Variants in CERS6 observed in about 807,000 individuals in gnomAD.
CERS6 encodes the protein ceramide synthase 6, also known as LAG1 homolog, ceramide synthase 6.
In CERS6, 26 loss-of-function variants were observed where a neutral mutation model predicts 56.8. That is an observed-to-expected ratio of 0.46 (90% CI 0.34 to 0.63). CERS6 has a LOEUF of 0.63. CERS6 is among the 30% of genes least tolerant of loss of function. The pLI is 0.01. For synonymous variants in CERS6, 164 were observed against 173.3 expected (o/e 0.95, Z 0.42); for missense variants, 415 against 467.5 (o/e 0.89, Z 1.04).
chr2:168,533,046 C>T (rs1415642497), intron 1 of CERS6, among the ~76,000 whole-genome samples: 1 of 152,072 alleles, frequency 6.6e-6, no homozygotes, highest in Non-Finnish European at 1.5e-5. Flanking sequence ...TTGTCTTAAC[C>T]CTAAAAGGTT....
chr2:168,632,352 A>G (rs966137923), intron 4 of CERS6, among the ~76,000 whole-genome samples: 3 of 152,204 alleles, frequency 2.0e-5, no homozygotes, highest in African/African-American at 2.4e-5. Context: ...AATTTTAAAT[A>G]CATTTAAGAT....
At chr2:168,508,008 C>A (rs1694712113) in intron 1 of CERS6, among the ~76,000 whole-genome samples, 1 of 152,122 alleles carries the variant, frequency 6.6e-6, no homozygotes, top group Non-Finnish European at 1.5e-5. Context: ...AGACAGTTAC[C>A]TATTTAAAGT....
chr2:168,760,480 A>ACCCTCACAG (rs1684542411), intron 8 of CERS6, among the ~76,000 whole-genome samples: 1 of 152,076 alleles, frequency 6.6e-6, no homozygotes, highest in South Asian at 2.1e-4. Flanking sequence ...CTTTGGCAAT[A>ACCCTCACAG]CCCTCACAGA....
intron 1 of CERS6, among the ~76,000 whole-genome samples, chr2:168,513,549 C>T (rs781433947): frequency 3.8e-4 from 58 of 152,120 alleles, no homozygotes; most frequent in Non-Finnish European, 7.1e-4. Flanking sequence ...CATGACTGGA[C>T]TCAGATCATG....
intron 3 of CERS6, among the ~76,000 whole-genome samples, chr2:168,563,019 C>G (rs568341454): frequency 3.3e-5 from 5 of 152,194 alleles, no homozygotes; most frequent in Non-Finnish European, 7.3e-5. Flanking sequence ...CTCTGACTAA[C>G]TTCTTTGGTG....
chr2:168,499,710 C>A (rs952675047), intron 1 of CERS6, among the ~76,000 whole-genome samples: 11 of 152,142 alleles, frequency 7.2e-5, no homozygotes, highest in Admixed American at 3.3e-4. Flanking sequence ...AGTTAAATTT[C>A]TTGGCTCAAT....
chr2:168,539,368 C>T (rs1038467556), intron 1 of CERS6, among the ~76,000 whole-genome samples: 1 of 152,164 alleles, frequency 6.6e-6, no homozygotes, highest in East Asian at 1.9e-4. Context: ...TCATTAACTT[C>T]TTTGAGCTTT....
At chr2:168,675,813 A>G (rs1686044389) in intron 4 of CERS6, among the ~76,000 whole-genome samples, 1 of 151,720 alleles carries the variant, frequency 6.6e-6, no homozygotes, top group Non-Finnish European at 1.5e-5. Flanking sequence ...CAGCCTCCCA[A>G]GTAGTAGGGA....
At chr2:168,491,789 A>G (rs929433928) in intron 1 of CERS6, among the ~76,000 whole-genome samples, 4 of 150,860 alleles carry the variant, frequency 2.7e-5, no homozygotes, top group Non-Finnish European at 5.9e-5. Flanking sequence ...TCACCCCCCA[A>G]CAGGCCCAGT....
At position 168,691,084 on chromosome 2, in the gene CERS6, G is replaced by T. The variant is rs767951333; in HGVS notation, c.516G>T (p.Gln172His). 1 of 1,612,888 alleles carries T rather than the reference G, an allele frequency of 6.2e-7. No homozygotes were observed. The highest frequency in any genetic ancestry group is 1.1e-5 in the South Asian group (1 of 91,046). Residue 172 changes from glutamine to histidine, a missense_variant and splice_region_variant, in exon 5 of 10, where the codon CAG becomes CAT. Coordinates refer to ENST00000305747, the MANE Select transcript of CERS6 (RefSeq NM_203463.3). ...ATTGCTGGTACAACTACCCCTATCA[G>T]GTAAGGAGGCATTATTGTCTGGGTT... ...TRHCWYNYPY[Q>H]PLTTDLHYYY...
intron 3 of CERS6, among the ~76,000 whole-genome samples, chr2:168,573,540 C>T (rs960300493): frequency 6.6e-6 from 1 of 152,134 alleles, no homozygotes; most frequent in Non-Finnish European, 1.5e-5. Flanking sequence ...GGACAAGTGA[C>T]CATCCTGTAG....
At chr2:168,720,326 A>G (rs1687330438) in intron 8 of CERS6, among the ~76,000 whole-genome samples, 1 of 152,148 alleles carries the variant, frequency 6.6e-6, no homozygotes, top group Non-Finnish European at 1.5e-5. Flanking sequence ...TTCAATGTAT[A>G]TTTCACATTA....
chr2:168,515,957 A>G (rs1003080327), intron 1 of CERS6, among the ~76,000 whole-genome samples: 3 of 152,208 alleles, frequency 2.0e-5, no homozygotes, highest in Non-Finnish European at 4.4e-5. Flanking sequence ...TTTCTGTTGG[A>G]CATTCTCCAA....
At chr2:168,533,005 T>G (rs1419686133) in intron 1 of CERS6, among the ~76,000 whole-genome samples, 1 of 152,232 alleles carries the variant, frequency 6.6e-6, no homozygotes, top group East Asian at 1.9e-4. Context: ...AGCACAAATT[T>G]AAAGTAGTAC....
At chr2:168,529,844 T>A (rs1192256258) in intron 1 of CERS6, among the ~76,000 whole-genome samples, 1 of 152,076 alleles carries the variant, frequency 6.6e-6, no homozygotes, top group East Asian at 1.9e-4. Flanking sequence ...TATAATGGAA[T>A]TAAAGGATTA....
At chr2:168,615,282 A>G (rs932672977) in intron 3 of CERS6, among the ~76,000 whole-genome samples, 40 of 152,146 alleles carry the variant, frequency 2.6e-4, no homozygotes, top group African/African-American at 8.4e-4. Context: ...CAGAAAAACA[A>G]TTCTGGAAAT....
chr2:168,626,056 C>A (rs1486254917), intron 3 of CERS6, among the ~76,000 whole-genome samples: 2 of 152,076 alleles, frequency 1.3e-5, no homozygotes, highest in African/African-American at 4.8e-5. Flanking sequence ...ACCAAACAGC[C>A]TAGTTTCCAA....
intron 4 of CERS6, among the ~76,000 whole-genome samples, chr2:168,644,812 G>A (rs1685134207): frequency 6.6e-6 from 1 of 151,896 alleles, no homozygotes. Flanking sequence ...GTAACTTCTA[G>A]GCTGGGCGCG....
Position 168,691,088 on chromosome 2 carries a change from A to G in CERS6, c.516+4A>G. The G allele has an allele frequency of 6.2e-7, 1 of 1,612,648 alleles. No individual in the cohort carries two copies. Among genetic ancestry groups the G allele is most frequent in the Non-Finnish European group, 8.5e-7 (1 of 1,178,834 alleles). ...CTGGTACAACTACCCCTATCAGGTA[A>G]GGAGGCATTATTGTCTGGGTTTTTA... On this transcript the variant is annotated splice_donor_region_variant and intron_variant, in intron 5 of 9. Coordinates refer to ENST00000305747, the MANE Select transcript of CERS6 (RefSeq NM_203463.3).
Sources: allele counts gnomAD v4.1 joint callset (sites outside exome capture counted in the v4.1 genomes callset), GRCh38; gene constraint gnomAD v4.1.1; transcripts MANE v1.5; gene names NCBI Gene and HGNC (gene_info 2026-07-23, HGNC 2026-07-21).